The following ASIC2 variants were observed in gnomAD, a reference collection of about 807,000 sequenced individuals.
ASIC2 encodes acid sensing ion channel subunit 2.
Under a neutral mutation model 57.3 loss-of-function variants are expected in ASIC2, and 25 were observed. The ratio of observed to expected loss-of-function variants is 0.44; its 90% CI spans 0.32 to 0.61. The LOEUF (loss-of-function observed/expected upper bound fraction) is 0.61. ASIC2 is among the 20% of genes least tolerant of loss of function. The pLI is 0.06. For synonymous variants in ASIC2, 319 were observed against 307.5 expected, an observed-to-expected ratio of 1.04 and a Z score of -0.39; for missense variants, 641 against 738.1, an observed-to-expected ratio of 0.87 and a Z score of 1.52.
chr17:33,788,821 T>C (rs1911681549), intron 1 of ASIC2, among the ~76,000 whole-genome samples: 1 of 152,146 alleles, frequency 6.6e-6, no homozygotes, highest in Non-Finnish European at 1.5e-5. Flanking sequence ...AAACATTGCA[T>C]GTTCTCACTC....
intron 1 of ASIC2, among the ~76,000 whole-genome samples, chr17:33,615,924 G>A (rs1177008332): frequency 6.6e-6 from 1 of 152,134 alleles, no homozygotes; most frequent in East Asian, 1.9e-4. Flanking sequence ...GGGCTCTCAC[G>A]GATCCCTTCT....
At chr17:33,092,060 C>T (rs897874104) in intron 2 of ASIC2, among the ~76,000 whole-genome samples, 22 of 152,170 alleles carry the variant, frequency 1.4e-4, no homozygotes, top group African/African-American at 4.1e-4. Flanking sequence ...ACGAGAACTC[C>T]GCCATCTTGC....
chr17:33,466,190 C>G (rs1395748344), intron 1 of ASIC2, among the ~76,000 whole-genome samples: 1 of 152,090 alleles, frequency 6.6e-6, no homozygotes, highest in Non-Finnish European at 1.5e-5. Context: ...TCTTATACAC[C>G]AATAACAGAC....
chr17:33,632,473 T>C (rs1029687387), intron 1 of ASIC2, among the ~76,000 whole-genome samples: 2 of 152,098 alleles, frequency 1.3e-5, no homozygotes, highest in Admixed American at 6.5e-5. Context: ...GTCACATGTT[T>C]TGTAGGCCAG....
intron 1 of ASIC2, among the ~76,000 whole-genome samples, chr17:33,516,363 AGT>A (rs893867960): frequency 6.7e-6 from 1 of 149,092 alleles, no homozygotes; most frequent in African/African-American, 2.5e-5. Flanking sequence ...TGTGTGTGTG[AGT>A]GTGAGTGTGA....
At position 33,230,914 on chromosome 17, in the gene ASIC2, A is replaced by G. The variant is rs573027789; in HGVS notation, c.708+60494T>C. 1.3e-4 allele frequency among the ~76,000 whole-genome samples: 20 copies of G among 152,332 alleles called. No homozygotes were observed. In the South Asian group the frequency reaches 3.9e-3, roughly 30 times the overall value. On this transcript the variant is annotated intron_variant, in intron 1 of 9. Transcript: ENST00000225823. ...TGGTTTCAATATAGGCGTCTTTAAA[A>G]AATTATTGATTTAAAAATTATTGAT... is the stretch of plus-strand genomic sequence containing the variant.
chr17:33,245,782 AGT>A (rs1306051546), intron 1 of ASIC2, among the ~76,000 whole-genome samples: 1 of 152,174 alleles, frequency 6.6e-6, no homozygotes, highest in African/African-American at 2.4e-5. Context: ...GAGCACTGAG[AGT>A]GAGAGATGAG....
rs977221977 is a variant in ASIC2 at position 33,727,082 on chromosome 17, C to T, written c.555+428896G>A. On this transcript the variant is annotated intron_variant, in intron 1 of 9. Transcript: ENST00000359872. ...TTCTTTCAAACAATGAATACCAAAA[C>T]CAACTACAGAGGTGAGCCTGTAATA... 3.9e-5 allele frequency among the ~76,000 whole-genome samples: 6 copies of T among 152,160 alleles called. No homozygotes were observed. In the South Asian group the frequency reaches 1.2e-3, roughly 32 times the overall value.
intron 1 of ASIC2, among the ~76,000 whole-genome samples, chr17:33,396,605 C>T (rs1910087061): frequency 6.6e-6 from 1 of 152,160 alleles, no homozygotes; most frequent in African/African-American, 2.4e-5. Context: ...CTCATTGCCT[C>T]ACTTATAGAA....
chr17:33,819,818 A>G lies in ASIC2; in HGVS notation c.555+336160T>C, dbSNP rs570769464. On this transcript the variant is annotated intron_variant, in intron 1 of 9. Coordinates refer to the ASIC2 transcript ENST00000359872. ...AACATTAAACACAATGACACAGAAC[A>G]GAAACTCAATGTATGGACATTGCTA... Among the ~76,000 whole-genome samples the G allele has an allele frequency of 1.2e-3, 188 of 152,372 alleles. 1 individual carries two copies. The highest frequency in any genetic ancestry group is 2.0e-3 in the Non-Finnish European group (134 of 68,028).
At chr17:33,672,568 G>A (rs752007101) in intron 1 of ASIC2, among the ~76,000 whole-genome samples, 170 of 152,252 alleles carry the variant, frequency 1.1e-3, no homozygotes, top group Middle Eastern at 3.4e-3. Flanking sequence ...GGGCATGGTC[G>A]GATTTCACTC....
intron 1 of ASIC2, among the ~76,000 whole-genome samples, chr17:33,146,240 G>C (rs978472996): frequency 9.2e-5 from 14 of 152,208 alleles, no homozygotes; most frequent in African/African-American, 3.1e-4. Flanking sequence ...TTGAATGAAT[G>C]AGCAACTAAA....
rs550521842 is a variant in ASIC2 at position 33,575,107 on chromosome 17, A to T, written c.556-463040T>A. On this transcript the variant is annotated intron_variant, in intron 1 of 9. Coordinates refer to the ASIC2 transcript ENST00000359872. ...GGCCTCCACACGTCAGTCTCCTCAC[A>T]TGATGATAAAGGGGCTGGACACAAG... Among the ~76,000 whole-genome samples the T allele has an allele frequency of 6.6e-5, 10 of 152,272 alleles. No homozygotes were observed. In the East Asian group the frequency reaches 1.9e-3, roughly 29 times the overall value.
At chr17:33,920,899 G>A (rs1183146716) in intron 1 of ASIC2, among the ~76,000 whole-genome samples, 1 of 152,048 alleles carries the variant, frequency 6.6e-6, no homozygotes, top group African/African-American at 2.4e-5. Flanking sequence ...GGACCCTGAG[G>A]GACCCTCATC....
chr17:33,705,700 A>G (rs1272860180), intron 1 of ASIC2, among the ~76,000 whole-genome samples: 10 of 152,192 alleles, frequency 6.6e-5, no homozygotes, highest in South Asian at 2.1e-4. Flanking sequence ...TAGAACCTCT[A>G]TGGGGAGAAC....
chr17:34,056,497 G>A (rs1289975576), intron 1 of ASIC2, among the ~76,000 whole-genome samples: 1 of 152,222 alleles, frequency 6.6e-6, no homozygotes, highest in East Asian at 1.9e-4. Flanking sequence ...AAGGAGTGCT[G>A]TGAGTGGTAA....
At chr17:33,572,838 G>C (rs1360241934) in intron 1 of ASIC2, among the ~76,000 whole-genome samples, 4 of 152,188 alleles carry the variant, frequency 2.6e-5, no homozygotes, top group Non-Finnish European at 5.9e-5. Flanking sequence ...GCCTGGCCTG[G>C]CTGGAAGCAC....
At chr17:34,089,215 G>A (rs1257980883) in intron 1 of ASIC2, among the ~76,000 whole-genome samples, 1 of 152,182 alleles carries the variant, frequency 6.6e-6, no homozygotes, top group Non-Finnish European at 1.5e-5. Flanking sequence ...CAATATTTAT[G>A]AAGCATCAAT....
chr17:33,417,760 T>C (rs1910899831), intron 1 of ASIC2, among the ~76,000 whole-genome samples: 2 of 152,316 alleles, frequency 1.3e-5, no homozygotes, highest in African/African-American at 4.8e-5. Context: ...TGCCACTTTA[T>C]GATCCAGGAC....
Sources: allele counts gnomAD v4.1 joint callset (sites outside exome capture counted in the v4.1 genomes callset), GRCh38; gene constraint gnomAD v4.1.1; transcripts MANE v1.5; gene names NCBI Gene and HGNC (gene_info 2026-07-23, HGNC 2026-07-21).